The following ADGRL4 variants were observed in gnomAD, a reference collection of about 807,000 sequenced individuals.
ADGRL4 encodes EGF, latrophilin and seven transmembrane domain containing 1.
A neutral mutation model predicts 74.8 loss-of-function variants in ADGRL4; 90 were observed. The observed-to-expected ratio is 1.20, with a 90% CI of 1.02 to 1.43. ADGRL4 has a LOEUF of 1.43. Among genes scored for constraint, ADGRL4 ranks in the 40% most tolerant of loss-of-function variants. ADGRL4 has a pLI of 0.00. For missense variants in ADGRL4, 881 were observed against 814.3 expected, an observed-to-expected ratio of 1.08 and a Z score of -1.00; for synonymous variants, 311 against 279.2, an observed-to-expected ratio of 1.11 and a Z score of -1.14.
intron 2 of ADGRL4, among the ~76,000 whole-genome samples, chr1:78,966,342 T>C (rs531081765): frequency 1.3e-5 from 2 of 152,082 alleles, no homozygotes; most frequent in Admixed American, 6.5e-5. Flanking sequence ...AATTCCATTA[T>C]TCTCAACCTT....
Position 78,904,997 on chromosome 1 carries a change from A to G in ADGRL4, c.1750-11808T>C, listed in dbSNP as rs139403767. On this transcript the variant is annotated intron_variant, in intron 12 of 14. Coordinates refer to ENST00000370742, the MANE Select transcript of ADGRL4 (RefSeq NM_022159.4). ...ACATATAATGTGTATTTATTCAACA[A>G]TTGGATAATTATTGTTTTGTGATAT... is the stretch of plus-strand genomic sequence containing the variant. Among the ~76,000 whole-genome samples, 105 of 152,158 alleles carry G rather than the reference A, an allele frequency of 6.9e-4. 1 individual carries two copies. The highest frequency in any genetic ancestry group is 2.4e-3 in the African/African-American group (100 of 41,564).
chr1:78,945,254 T>C (rs557139790), intron 3 of ADGRL4, among the ~76,000 whole-genome samples: 45 of 151,074 alleles, frequency 3.0e-4, no homozygotes, highest in Non-Finnish European at 6.0e-4. Flanking sequence ...TGAATATCTA[T>C]CTCTTTTATC....
At chr1:78,926,734 A>T (rs554705324) in intron 8 of ADGRL4, 152 bp downstream of exon 8, 2 of 569,384 alleles carry the variant, frequency 3.5e-6, no homozygotes, top group Admixed American at 3.5e-5. Context: ...AGAATATTTT[A>T]TACAAAAATT....
At chr1:78,952,183 C>A (rs760745812) in intron 2 of ADGRL4, among the ~76,000 whole-genome samples, 2 of 152,066 alleles carry the variant, frequency 1.3e-5, no homozygotes, top group Non-Finnish European at 2.9e-5. Context: ...GGAACTTTAA[C>A]AGCAGCATCA....
intron 13 of ADGRL4, 50 bp from the exon 14 acceptor site, chr1:78,891,742 A>C (rs760271289): frequency 6.7e-7 from 1 of 1,496,288 alleles, no homozygotes; most frequent in Non-Finnish European, 9.0e-7. Flanking sequence ...TATAGTCAAC[A>C]TATCTCCCAA....
chr1:79,002,845 T>A (rs1650872451), intron 2 of ADGRL4, among the ~76,000 whole-genome samples: 2 of 152,042 alleles, frequency 1.3e-5, no homozygotes, highest in Non-Finnish European at 2.9e-5. Context: ...TAAAAAATGA[T>A]TAAATTAAAT....
intron 3 of ADGRL4, chr1:78,939,509 T>C: frequency 4.2e-6 from 1 of 238,376 alleles, no homozygotes. Context: ...AAAAATAGGC[T>C]TTCATTTCTT....
At chr1:78,892,769 T>C (rs1648310558) in intron 13 of ADGRL4, among the ~76,000 whole-genome samples, 3 of 151,876 alleles carry the variant, frequency 2.0e-5, no homozygotes, top group Non-Finnish European at 4.4e-5. Flanking sequence ...ACATGCAAAC[T>C]AGGGATAACA....
intron 6 of ADGRL4, 114 bp from the exon 7 acceptor site, chr1:78,936,525 T>C (rs6664377): frequency 0.042 from 39,962 of 958,188 alleles, 1,017 homozygotes; most frequent in African/African-American, 0.083. Flanking sequence ...AAATTATTTA[T>C]AACAAGTAGA....
chr1:78,993,184 C>T (rs1160134329), intron 2 of ADGRL4, among the ~76,000 whole-genome samples: 2 of 151,826 alleles, frequency 1.3e-5, no homozygotes, highest in Admixed American at 1.3e-4. Context: ...TACAAAAGTT[C>T]TCATAAAATG....
In ADGRL4 at chr1:78,950,342, C is replaced by T. The variant is rs1256279332; in HGVS notation, c.173-3916G>A. ...CAGACACTGGGCAGGAGGGTAACGG[C>T]TTCAGGGCAAGAATCTGTGCAGGTA... On this transcript the variant is annotated intron_variant, in intron 2 of 14. Coordinates refer to ENST00000370742, the MANE Select transcript of ADGRL4 (RefSeq NM_022159.4). Among the ~76,000 whole-genome samples, 3 of 152,046 alleles carry T rather than the reference C, an allele frequency of 2.0e-5. No individual in the cohort carries two copies. In the East Asian group the frequency reaches 5.8e-4, roughly 29 times the overall value.
chr1:78,926,838 C>T (rs746667983), intron 8 of ADGRL4, 48 bp downstream of exon 8: 11 of 1,358,604 alleles, frequency 8.1e-6, no homozygotes, highest in Non-Finnish European at 1.2e-5. Context: ...GTCCAGTTCT[C>T]TGACTGTATC....
chr1:78,988,517 T>G (rs760291588), intron 2 of ADGRL4, among the ~76,000 whole-genome samples: 7 of 151,908 alleles, frequency 4.6e-5, no homozygotes, highest in Non-Finnish European at 7.4e-5. Flanking sequence ...GAAATGTTGC[T>G]GAACTGAATG....
At chr1:78,905,105 A>C (rs1041781953) in intron 12 of ADGRL4, among the ~76,000 whole-genome samples, 1 of 152,034 alleles carries the variant, frequency 6.6e-6, no homozygotes, top group African/African-American at 2.4e-5. Flanking sequence ...TATGTTCTTA[A>C]TATAGAGGAG....
At chr1:78,956,773 A>G (rs1477706479) in intron 2 of ADGRL4, among the ~76,000 whole-genome samples, 3 of 152,166 alleles carry the variant, frequency 2.0e-5, no homozygotes, top group Non-Finnish European at 4.4e-5. Flanking sequence ...ATAATGAGAC[A>G]AAGAAGAAAA....
At chr1:78,968,533 A>G (rs1650104040) in intron 2 of ADGRL4, among the ~76,000 whole-genome samples, 2 of 150,718 alleles carry the variant, frequency 1.3e-5, no homozygotes, top group Admixed American at 1.3e-4. Flanking sequence ...GGGGGTCGGC[A>G]ATCAGTTCAA....
intron 2 of ADGRL4, among the ~76,000 whole-genome samples, chr1:78,956,849 A>G (rs1432952388): frequency 6.6e-6 from 1 of 152,170 alleles, no homozygotes; most frequent in Non-Finnish European, 1.5e-5. Context: ...ACCTTGTCTT[A>G]CTAAGCCTCA....
At chr1:78,916,303 C>T (rs148812715) in intron 12 of ADGRL4, among the ~76,000 whole-genome samples, 93 of 151,902 alleles carry the variant, frequency 6.1e-4, no homozygotes, top group Admixed American at 9.2e-4. Flanking sequence ...CATTGCTCCA[C>T]GGACCTTTCA....
chr1:78,938,167 G>T lies in ADGRL4; in HGVS notation c.509C>A (p.Ser170Tyr), dbSNP rs1649397538. 6.2e-7 allele frequency: 1 copy of T among 1,612,656 alleles called. No homozygotes were observed. The highest frequency in any genetic ancestry group is 1.7e-5 in the Admixed American group (1 of 59,854). The change falls in exon 5 of 15, where the codon TCT becomes TAT. Residue 170 changes from serine (S) to tyrosine (Y), a missense_variant. By Grantham distance (144) the Ser-to-Tyr change is moderately radical (BLOSUM62 -2). Coordinates refer to ENST00000370742, the MANE Select transcript of ADGRL4 (RefSeq NM_022159.4). Reference sequence around the variant, plus strand: ...GTTGTTCTTGTAACCTAGTAATGAAGATGATTCAGCTAATATTTCTATATA... The same window carrying T: ...GTTGTTCTTGTAACCTAGTAATGAATATGATTCAGCTAATATTTCTATATA... ...ITYIEILAES[S>Y]SLLGYKNNTI...
Sources: gnomAD v4.1 joint callset for allele counts (sites outside exome capture counted in the v4.1 genomes callset) on GRCh38, gnomAD v4.1.1 for gene constraint, MANE v1.5 for transcripts, NCBI Gene and HGNC (gene_info 2026-07-23, HGNC 2026-07-21) for gene names.